NEURL1: variants seen among roughly 807,000 people sequenced by gnomAD.
The protein encoded by NEURL1 is E3 ubiquitin-protein ligase NEURL1.
In NEURL1, 26 loss-of-function variants were observed where a neutral mutation model predicts 41.2. The ratio of observed to expected loss-of-function variants is 0.63; its 90% CI spans 0.46 to 0.87. The LOEUF (loss-of-function observed/expected upper bound fraction) is 0.87. Ranked by LOEUF, NEURL1 falls within the 40% of genes least tolerant of loss-of-function variation. NEURL1 has a pLI of 0.00. For synonymous variants in NEURL1, 400 were observed against 402.3 expected (o/e 0.99, Z 0.07); for missense variants, 761 against 871.1 (o/e 0.87, Z 1.59).
intron 1 of NEURL1, among the ~76,000 whole-genome samples, chr10:103,537,485 C>T (rs751818069): frequency 1.3e-5 from 2 of 152,108 alleles, no homozygotes; most frequent in African/African-American, 4.8e-5. Context: ...CTGCAACCTC[C>T]TGGGCTCAGG....
intron 3 of NEURL1, among the ~76,000 whole-genome samples, chr10:103,575,862 GATT>G (rs1350330726): frequency 2.0e-5 from 3 of 152,228 alleles, no homozygotes; most frequent in African/African-American, 7.2e-5. Context: ...TTTATGGGGT[GATT>G]AATACATGGA....
intron 1 of NEURL1, 123 bp downstream of exon 1, chr10:103,494,595 CTGGCCG>C: frequency 1.1e-6 from 1 of 876,268 alleles, no homozygotes; most frequent in Non-Finnish European, 1.7e-6. Context: ...AGATGCACCT[CTGGCCG>C]TGGAGTGGGC....
At chr10:103,585,682 C>G (rs998796629) in intron 4 of NEURL1, among the ~76,000 whole-genome samples, 1 of 151,758 alleles carries the variant, frequency 6.6e-6, no homozygotes, top group Non-Finnish European at 1.5e-5. Flanking sequence ...AAAATACAAA[C>G]AATTAGCGGG....
chr10:103,536,145 G>C (rs1371102908), intron 1 of NEURL1, among the ~76,000 whole-genome samples: 2 of 152,226 alleles, frequency 1.3e-5, no homozygotes, highest in East Asian at 3.9e-4. Context: ...TGGGGGGATG[G>C]AATGGTAGAG....
rs1386656537 is a variant in NEURL1, at chr10:103,494,449, G to A, written c.62G>A (p.Arg21Gln). ...LPRGNPSRAP[R>Q]GHPQNLKDSI... Reference sequence around the variant, plus strand: ...CGAGGAAACCCGAGCCGCGCGCCGCGGGGCCACCCCCAGAACCTCAAAGGT... The same window carrying A: ...CGAGGAAACCCGAGCCGCGCGCCGCAGGGCCACCCCCAGAACCTCAAAGGT... Residue 21 changes from arginine (R) to glutamine (Q), a missense_variant, in exon 1 of 6, where the codon CGG (arginine) becomes CAG (glutamine). Transcript: ENST00000369780. 6.3e-6 allele frequency: 10 copies of A among 1,595,112 alleles called. No homozygotes were observed. Among genetic ancestry groups the A allele is most frequent in the Non-Finnish European group, 8.5e-6 (10 of 1,171,254 alleles).
At chr10:103,576,316 G>C (rs547152027) in intron 3 of NEURL1, among the ~76,000 whole-genome samples, 2 of 112,386 alleles carry the variant, frequency 1.8e-5, no homozygotes, top group Non-Finnish European at 4.6e-5. Flanking sequence ...GGTCAGACAG[G>C]GGGGTGTCCA....
chr10:103,560,405 C>T (rs924241351), intron 1 of NEURL1, among the ~76,000 whole-genome samples: 1 of 152,172 alleles, frequency 6.6e-6, no homozygotes, highest in African/African-American at 2.4e-5. Flanking sequence ...AATTGGGAGG[C>T]ACAGCTGTAT....
chr10:103,555,966 CT>C (rs2035145768), intron 1 of NEURL1, among the ~76,000 whole-genome samples: 1 of 152,242 alleles, frequency 6.6e-6, no homozygotes, highest in African/African-American at 2.4e-5. Context: ...TGAGTAGGCA[CT>C]GAAGGTGCCC....
intron 1 of NEURL1, among the ~76,000 whole-genome samples, chr10:103,504,154 C>T (rs766514419): frequency 9.2e-5 from 14 of 151,864 alleles, no homozygotes; most frequent in East Asian, 3.9e-4. Context: ...CCACCACGCC[C>T]GGCTAATTTT....
At chr10:103,546,194 G>A (rs1404486165) in intron 1 of NEURL1, among the ~76,000 whole-genome samples, 1 of 152,160 alleles carries the variant, frequency 6.6e-6, no homozygotes, top group Non-Finnish European at 1.5e-5. Context: ...GGGTGCAGTG[G>A]CCCTGGGTCC....
At chr10:103,533,238 C>T (rs963239374) in intron 1 of NEURL1, among the ~76,000 whole-genome samples, 2 of 151,972 alleles carry the variant, frequency 1.3e-5, no homozygotes, top group Non-Finnish European at 2.9e-5. Flanking sequence ...TTCTCTTCTC[C>T]TTTTAAAACT....
At chr10:103,544,691 C>G (rs2034891160) in intron 1 of NEURL1, among the ~76,000 whole-genome samples, 1 of 152,198 alleles carries the variant, frequency 6.6e-6, no homozygotes, top group Admixed American at 6.5e-5. Flanking sequence ...GCTCTCTTCC[C>G]CAGAGGGAAT....
intron 1 of NEURL1, among the ~76,000 whole-genome samples, chr10:103,500,054 C>T (rs897379478): frequency 6.6e-6 from 1 of 152,168 alleles, no homozygotes; most frequent in Non-Finnish European, 1.5e-5. Flanking sequence ...TCATCCAGCT[C>T]TCCACCCCCG....
At chr10:103,543,260 T>A (rs954465667) in intron 1 of NEURL1, among the ~76,000 whole-genome samples, 1 of 152,204 alleles carries the variant, frequency 6.6e-6, no homozygotes, top group Non-Finnish European at 1.5e-5. Flanking sequence ...CTCCCCCATG[T>A]TCCAGGACAC....
chr10:103,580,471 T>C (rs966260167), intron 3 of NEURL1, among the ~76,000 whole-genome samples: 17 of 152,174 alleles, frequency 1.1e-4, no homozygotes, highest in African/African-American at 2.4e-4. Flanking sequence ...TGGGCCGAGG[T>C]TGGTCCCATG....
At chr10:103,540,173 C>A (rs1284560108) in intron 1 of NEURL1, among the ~76,000 whole-genome samples, 2 of 152,204 alleles carry the variant, frequency 1.3e-5, no homozygotes, top group Non-Finnish European at 2.9e-5. Flanking sequence ...GTTAACATAG[C>A]AGTGCATCAG....
intron 1 of NEURL1, among the ~76,000 whole-genome samples, chr10:103,540,783 T>C (rs769471136): frequency 2.0e-5 from 3 of 152,164 alleles, no homozygotes; most frequent in African/African-American, 2.4e-5. Context: ...AAATATTCCA[T>C]TGGGGCGAAG....
At position 103,590,114 on chromosome 10, in the gene NEURL1, T is replaced by C. The variant is rs374755992; in HGVS notation, c.1487-20T>C. ...GGGTTGGGCCATGTCTCCTCCTGAC[T>C]GGTGCCCCCTTGTCCTCAGGGACAG... On this transcript the variant is annotated intron_variant, in intron 5 of 5. Transcript: ENST00000369780. The C allele has an allele frequency of 1.1e-5, 18 of 1,611,014 alleles. No homozygotes were observed. In the African/African-American group the frequency reaches 1.5e-4, roughly 13 times the overall value.
intron 1 of NEURL1, among the ~76,000 whole-genome samples, chr10:103,530,278 C>T (rs2034542908): frequency 6.6e-6 from 1 of 151,718 alleles, no homozygotes; most frequent in Non-Finnish European, 1.5e-5. Context: ...CCTTGAGATA[C>T]TTCACTAGAT....
Sources: allele counts gnomAD v4.1 joint callset (sites outside exome capture counted in the v4.1 genomes callset), GRCh38; gene constraint gnomAD v4.1.1; transcripts MANE v1.5; gene names NCBI Gene and HGNC (gene_info 2026-07-23, HGNC 2026-07-21).